MEGF10: variants seen among roughly 807,000 people sequenced by gnomAD.
MEGF10 encodes multiple EGF like domains 10, also known as multiple epidermal growth factor-like domains protein 10.
MEGF10 carries 86 observed loss-of-function variants against 147.5 expected under a neutral mutation model. The ratio of observed to expected loss-of-function variants is 0.58; its 90% CI spans 0.49 to 0.70. The LOEUF is 0.70. Among genes scored for constraint, MEGF10 ranks in the 30% least tolerant of loss-of-function variants. MEGF10 has a pLI of 0.00. For synonymous variants in MEGF10, 478 were observed against 525.5 expected (o/e 0.91, Z 1.24); for missense variants, 1,329 against 1,487.3 (o/e 0.89, Z 1.75).
chr5:127,419,894 G>A, intron 11 of MEGF10, 150 bp from the exon 12 acceptor site: 1 of 868,376 alleles, frequency 1.2e-6, no homozygotes, highest in East Asian at 2.7e-5. Flanking sequence ...TCTGATGGAG[G>A]CCTAACTTGG....
chr5:127,251,488 G>A, the MEGF10 span, among the ~76,000 whole-genome samples: 83,599 of 151,848 alleles, frequency 0.55, 23,424 homozygotes, highest in Middle Eastern at 0.71. Flanking sequence ...TGCCTGAAAT[G>A]TGGTCAGAAC....
At chr5:127,350,457 C>T (rs1425106939) in intron 4 of MEGF10, among the ~76,000 whole-genome samples, 6 of 152,054 alleles carry the variant, frequency 3.9e-5, no homozygotes, top group Non-Finnish European at 5.9e-5. Flanking sequence ...TTCTCCCTGC[C>T]CCTTCCTGCC....
intron 19 of MEGF10, among the ~76,000 whole-genome samples, chr5:127,443,349 C>A (rs1372451338): frequency 1.3e-5 from 2 of 152,220 alleles, no homozygotes; most frequent in African/African-American, 4.8e-5. Context: ...CCCAAAGTCA[C>A]ATAGCTAATA....
the MEGF10 span, among the ~76,000 whole-genome samples, chr5:127,248,899 TA>T: frequency 0.096 from 13,775 of 143,110 alleles, 959 homozygotes; most frequent in African/African-American, 0.21. Flanking sequence ...GATTGAAAAG[TA>T]AAAAAAAAAA....
the MEGF10 span, among the ~76,000 whole-genome samples, chr5:127,276,931 T>G: frequency 1.3e-5 from 2 of 151,700 alleles, no homozygotes; most frequent in African/African-American, 4.8e-5. Context: ...GAAGATGAAA[T>G]TTGAGTAAGA....
At chr5:127,417,489 A>G in intron 9 of MEGF10, 149 bp from the exon 10 acceptor site, 1 of 759,142 alleles carries the variant, frequency 1.3e-6, no homozygotes, top group Middle Eastern at 3.5e-4. Flanking sequence ...CCAATTAATT[A>G]AATCATACCA....
At chr5:127,333,144 T>A (rs1305091273) in intron 2 of MEGF10, among the ~76,000 whole-genome samples, 2 of 152,180 alleles carry the variant, frequency 1.3e-5, no homozygotes, top group Admixed American at 1.3e-4. Context: ...TGGAAGTATT[T>A]GGGAATATAG....
chr5:127,294,220 A>G (rs1759394974), intron 1 of MEGF10, among the ~76,000 whole-genome samples: 1 of 152,234 alleles, frequency 6.6e-6, no homozygotes, highest in Non-Finnish European at 1.5e-5. Context: ...GATAGATTTA[A>G]TATAGCATAA....
At chr5:127,242,506 G>A in the MEGF10 span, among the ~76,000 whole-genome samples, 27 of 152,276 alleles carry the variant, frequency 1.8e-4, 1 homozygote, top group South Asian at 5.2e-3. Flanking sequence ...GTTTGTATAA[G>A]TTCGGATCTT....
intron 5 of MEGF10, among the ~76,000 whole-genome samples, chr5:127,374,155 G>A (rs1479708482): frequency 1.3e-5 from 2 of 150,662 alleles, no homozygotes; most frequent in Non-Finnish European, 3.0e-5. Flanking sequence ...CATTGGAAAA[G>A]CCATAGGTGC....
At chr5:127,354,731 T>C (rs1234276592) in intron 4 of MEGF10, among the ~76,000 whole-genome samples, 1 of 152,228 alleles carries the variant, frequency 6.6e-6, no homozygotes, top group African/African-American at 2.4e-5. Flanking sequence ...AGAAGTTATA[T>C]TTACTGTTCT....
intron 2 of MEGF10, among the ~76,000 whole-genome samples, chr5:127,335,684 A>G (rs183404260): frequency 2.6e-5 from 4 of 152,250 alleles, no homozygotes; most frequent in Admixed American, 2.6e-4. Flanking sequence ...TACTCAAGTT[A>G]AAAAAGAATG....
chr5:127,405,414 T>C (rs975483054), intron 8 of MEGF10, among the ~76,000 whole-genome samples: 4 of 152,150 alleles, frequency 2.6e-5, no homozygotes, highest in African/African-American at 9.7e-5. Flanking sequence ...CTGCCTGTAA[T>C]TGGATATTTC....
the MEGF10 span, among the ~76,000 whole-genome samples, chr5:127,233,190 C>G: frequency 6.6e-5 from 10 of 152,318 alleles, no homozygotes; most frequent in South Asian, 1.5e-3. Context: ...GCCCTGTTGC[C>G]AAGGGTACAG....
chr5:127,319,928 G>A (rs542807720), intron 1 of MEGF10, among the ~76,000 whole-genome samples: 1 of 152,326 alleles, frequency 6.6e-6, no homozygotes, highest in South Asian at 2.1e-4. Flanking sequence ...GTGGCCTAAG[G>A]AGAAGCCATT....
At chr5:127,329,062 A>G (rs1055261626) in intron 1 of MEGF10, among the ~76,000 whole-genome samples, 4 of 152,180 alleles carry the variant, frequency 2.6e-5, no homozygotes. Flanking sequence ...GCACACAGTA[A>G]TCGGTCAGGA....
chr5:127,391,786 GAAGA>G (rs945941673), intron 5 of MEGF10, among the ~76,000 whole-genome samples: 2 of 152,150 alleles, frequency 1.3e-5, no homozygotes, highest in African/African-American at 2.4e-5. Context: ...CTGCTGAAAT[GAAGA>G]AAGAGTGTCA....
In MEGF10 at chr5:127,312,376, G is replaced by A. The variant is rs189339682; in HGVS notation, c.-18-18915G>A. Among the ~76,000 whole-genome samples the A allele has an allele frequency of 1.6e-3, 245 of 152,286 alleles. 1 individual carries two copies. The highest frequency in any genetic ancestry group is 6.8e-3 in the Middle Eastern group (2 of 294). On this transcript the variant is annotated intron_variant, in intron 1 of 24. Coordinates refer to ENST00000503335, the MANE Select transcript of MEGF10 (RefSeq NM_001256545.2). Reference sequence around the variant, plus strand: ...CTTTTATGGGGAGCTTTTTGGCACCGTGTCCGACATACACTCCAGTCAATC... The same window carrying A: ...CTTTTATGGGGAGCTTTTTGGCACCATGTCCGACATACACTCCAGTCAATC...
At chr5:127,409,002 A>G (rs1016858782) in intron 8 of MEGF10, among the ~76,000 whole-genome samples, 1 of 152,136 alleles carries the variant, frequency 6.6e-6, no homozygotes, top group African/African-American at 2.4e-5. Flanking sequence ...AATTGAGCCC[A>G]GGAGTTCGAG....
Sources: gnomAD v4.1 joint callset for allele counts (sites outside exome capture counted in the v4.1 genomes callset) on GRCh38, gnomAD v4.1.1 for gene constraint, MANE v1.5 for transcripts, NCBI Gene and HGNC (gene_info 2026-07-23, HGNC 2026-07-21) for gene names.